Variants in COL22A1 observed in about 807,000 individuals in gnomAD.
COL22A1 encodes the protein collagen alpha-1(XXII) chain.
Under a neutral mutation model 248.9 loss-of-function variants are expected in COL22A1, and 221 were observed. The ratio of observed to expected loss-of-function variants is 0.89; its 90% CI spans 0.80 to 0.99. The LOEUF is 0.99. Ranked by LOEUF, COL22A1 falls within the 50% of genes least tolerant of loss-of-function variation. COL22A1 has a pLI of 0.00. For missense variants in COL22A1, 2,240 were observed against 2,179.0 expected, an observed-to-expected ratio of 1.03 and a Z score of -0.56; for synonymous variants, 891 against 793.4, an observed-to-expected ratio of 1.12 and a Z score of -2.07.
rs1040078124 is a variant in COL22A1 at position 138,850,804 on chromosome 8, G to A, written c.659-6646C>T. Among the ~76,000 whole-genome samples the A allele has an allele frequency of 2.0e-5, 3 of 152,202 alleles. No homozygotes were observed. The East Asian group carries it at 5.8e-4, about 29-fold the overall frequency. On this transcript the variant is annotated intron_variant, in intron 3 of 64. Coordinates refer to ENST00000303045, the MANE Select transcript of COL22A1 (RefSeq NM_152888.3). Reference sequence around the variant, plus strand: ...TCTGTTTCCAAACTCAAAAACAGAGGCGAAAGTCCCTCCCCTTTCCATCCA... The same window carrying A: ...TCTGTTTCCAAACTCAAAAACAGAGACGAAAGTCCCTCCCCTTTCCATCCA...
intron 3 of COL22A1, among the ~76,000 whole-genome samples, chr8:138,855,868 C>T (rs948165308): frequency 6.6e-6 from 1 of 152,242 alleles, no homozygotes; most frequent in East Asian, 1.9e-4. Context: ...AAGCCACCCA[C>T]TGTCAACGGT....
At chr8:138,801,249 A>G (rs369810917) in intron 11 of COL22A1, among the ~76,000 whole-genome samples, 35 of 152,330 alleles carry the variant, frequency 2.3e-4, no homozygotes, top group African/African-American at 8.4e-4. Flanking sequence ...TCCAGCCTCT[A>G]TGACTGAGGG....
rs1417174843 is a variant in COL22A1, at chr8:138,612,786, T to C, written c.3978+1081A>G. ...TACTAAAAATAAAAAAATAAAAAAA[T>C]AATCAGCGGCGTGGTGGCACGCACC... On this transcript the variant is annotated intron_variant, in intron 56 of 64. Coordinates refer to ENST00000303045, the MANE Select transcript of COL22A1 (RefSeq NM_152888.3). 2.0e-5 allele frequency among the ~76,000 whole-genome samples: 3 copies of C among 151,426 alleles called. No individual in the cohort carries two copies. The East Asian group carries it at 5.9e-4, about 30-fold the overall frequency.
At chr8:138,893,384 G>T (rs748371749) in intron 1 of COL22A1, among the ~76,000 whole-genome samples, 1 of 152,236 alleles carries the variant, frequency 6.6e-6, no homozygotes, top group Non-Finnish European at 1.5e-5. Flanking sequence ...ACTCTTTGAT[G>T]TATGAAGTGG....
chr8:138,859,173 C>G (rs17678502), intron 3 of COL22A1, among the ~76,000 whole-genome samples: 4,184 of 152,346 alleles, frequency 0.027, 75 homozygotes, highest in Non-Finnish European at 0.038. Flanking sequence ...CAGCCACGTT[C>G]TCCCATTAGC....
At chr8:138,852,015 A>AG (rs1563844105) in intron 3 of COL22A1, among the ~76,000 whole-genome samples, 1 of 151,948 alleles carries the variant, frequency 6.6e-6, no homozygotes, top group African/African-American at 2.4e-5. Context: ...TACTTGGGGA[A>AG]GGGGGGATTG....
intron 50 of COL22A1, 75 bp from the exon 51 acceptor site, chr8:138,626,318 C>A: frequency 8.5e-7 from 1 of 1,177,624 alleles, no homozygotes. Flanking sequence ...TCACAAGGAA[C>A]TGCATTCATG....
At position 138,737,726 on chromosome 8, in the gene COL22A1, C is replaced by A. The variant is rs1488449216; in HGVS notation, c.2086-149G>T. On this transcript the variant is annotated intron_variant, in intron 22 of 64. Transcript: ENST00000303045. ...CCCTCAGGAGTGCCCCACAGAGGAA[C>A]AATGTGGGATCAGAAAAAGGACTCA... 7 of 603,264 alleles carry A rather than the reference C, an allele frequency of 1.2e-5. No individual in the cohort carries two copies. In the South Asian group the frequency reaches 1.2e-4, roughly 10 times the overall value. 37.4% of individuals were successfully genotyped at this position (603,264 alleles called of 1,614,324 possible). A position where few individuals can be genotyped will look rare whatever the true frequency, so the allele number is the denominator to read the frequency against.
chr8:138,724,112 A>G (rs1045460505), intron 25 of COL22A1, among the ~76,000 whole-genome samples: 58 of 152,188 alleles, frequency 3.8e-4, no homozygotes, highest in African/African-American at 1.4e-3. Flanking sequence ...GCTGCAAGCC[A>G]ACTTTAACTG....
At chr8:138,626,069 C>T in intron 51 of COL22A1, 121 bp downstream of exon 51, 3 of 727,906 alleles carry the variant, frequency 4.1e-6, no homozygotes, top group Non-Finnish European at 6.6e-6. Flanking sequence ...TAATTTTCTA[C>T]AACACTCAAA....
At chr8:138,607,247 C>T (rs976483237) in intron 57 of COL22A1, among the ~76,000 whole-genome samples, 3 of 152,170 alleles carry the variant, frequency 2.0e-5, no homozygotes, top group African/African-American at 7.2e-5. Context: ...TGACAGTTGG[C>T]TCACACCTTG....
In COL22A1 at chr8:138,893,670, C is replaced by T. The variant is rs553577050; in HGVS notation, c.-72-10426G>A. Among the ~76,000 whole-genome samples, 50 of 152,316 alleles carry T rather than the reference C, an allele frequency of 3.3e-4. 1 individual carries two copies. In the South Asian group the frequency reaches 0.01, roughly 31 times the overall value. ...GGCTATCAAGGGGAGATGTGTTCAT[C>T]TGAGCAATTCAGAGAACTGGGTTGA... On this transcript the variant is annotated intron_variant, in intron 1 of 64. Coordinates refer to ENST00000303045, the MANE Select transcript of COL22A1 (RefSeq NM_152888.3).
chr8:138,721,275 A>C (rs548686371), intron 26 of COL22A1, among the ~76,000 whole-genome samples: 64 of 152,344 alleles, frequency 4.2e-4, no homozygotes, highest in African/African-American at 1.4e-3. Flanking sequence ...GTAATATTCA[A>C]CAGTTGCCTT....
chr8:138,630,082 T>C (rs1205863444), intron 50 of COL22A1, among the ~76,000 whole-genome samples: 1 of 152,228 alleles, frequency 6.6e-6, no homozygotes, highest in Non-Finnish European at 1.5e-5. Context: ...TATTGGCTAC[T>C]AACATAATAC....
intron 3 of COL22A1, among the ~76,000 whole-genome samples, chr8:138,851,399 G>A (rs1407427720): frequency 1.3e-5 from 2 of 152,198 alleles, no homozygotes; most frequent in East Asian, 1.9e-4. Flanking sequence ...GGAGAGCCTC[G>A]TGGCCCAAGG....
chr8:138,808,998 G>C (rs1408835765), intron 9 of COL22A1, among the ~76,000 whole-genome samples: 6 of 152,054 alleles, frequency 3.9e-5, no homozygotes, highest in Admixed American at 3.9e-4. Context: ...TGGAAACAAT[G>C]TCTGTCTGTG....
intron 3 of COL22A1, among the ~76,000 whole-genome samples, chr8:138,851,355 C>G (rs1821633899): frequency 6.6e-6 from 1 of 152,128 alleles, no homozygotes; most frequent in Non-Finnish European, 1.5e-5. Flanking sequence ...ACGAGAGGGA[C>G]AGGAGAGGAA....
At chr8:138,822,661 C>A (rs138884055) in intron 6 of COL22A1, among the ~76,000 whole-genome samples, 1 of 152,260 alleles carries the variant, frequency 6.6e-6, no homozygotes, top group East Asian at 1.9e-4. Context: ...GACTTCTTCT[C>A]GGCTCCTGGA....
intron 12 of COL22A1, among the ~76,000 whole-genome samples, chr8:138,784,170 C>T (rs1815292730): frequency 6.6e-6 from 1 of 152,130 alleles, no homozygotes; most frequent in Non-Finnish European, 1.5e-5. Flanking sequence ...CTCAGACTGG[C>T]AAGTGTTGTA....
Sources: gnomAD v4.1 joint callset for allele counts (sites outside exome capture counted in the v4.1 genomes callset) on GRCh38, gnomAD v4.1.1 for gene constraint, MANE v1.5 for transcripts, NCBI Gene and HGNC (gene_info 2026-07-23, HGNC 2026-07-21) for gene names.